Variants in AQR observed in about 807,000 individuals in gnomAD.
The protein encoded by AQR is RNA helicase aquarius.
A neutral mutation model predicts 180.5 loss-of-function variants in AQR; 61 were observed. The observed-to-expected ratio is 0.34, with a 90% CI of 0.28 to 0.42. The LOEUF (loss-of-function observed/expected upper bound fraction) is 0.42. Among genes scored for constraint, AQR ranks in the 10% least tolerant of loss-of-function variants. The pLI is 1.00. For missense variants in AQR, 1,281 were observed against 1,798.3 expected (o/e 0.71, Z 5.20); for synonymous variants, 551 against 588.8 (o/e 0.94, Z 0.93).
At chr15:34,913,021 A>G (rs1199665828) in intron 16 of AQR, among the ~76,000 whole-genome samples, 1 of 152,158 alleles carries the variant, frequency 6.6e-6, no homozygotes, top group Non-Finnish European at 1.5e-5. Context: ...CACCTCCTCC[A>G]TTTTTTACAG....
At chr15:34,951,397 G>GTC (rs1894229607) in intron 4 of AQR, among the ~76,000 whole-genome samples, 1 of 152,146 alleles carries the variant, frequency 6.6e-6, no homozygotes, top group Non-Finnish European at 1.5e-5. Flanking sequence ...CTGTCAGCTG[G>GTC]GTGCGGTGGC....
intron 27 of AQR, among the ~76,000 whole-genome samples, chr15:34,878,774 T>C (rs1892925395): frequency 6.6e-6 from 1 of 152,240 alleles, no homozygotes; most frequent in South Asian, 2.1e-4. Flanking sequence ...CTCATGCCTG[T>C]AATCCCAGCA....
chr15:34,900,632 G>T lies in AQR; in HGVS notation c.2233C>A (p.Pro745Thr). The T allele has an allele frequency of 6.2e-7, 1 of 1,613,806 alleles. No individual in the cohort carries two copies. Among genetic ancestry groups the T allele is most frequent in the Non-Finnish European group, 8.5e-7 (1 of 1,179,832 alleles). ...VTVEDPALQI[P>T]PFRITFPVRS... ...CAGTTCTGACTTTACCTGAAAGGGG[G>T]TATTTGTAGAGCAGGGTCTTCTACA... Residue 745 changes from proline (P) to threonine (T), a missense_variant, in exon 20 of 35, where the codon CCC (proline) becomes ACC (threonine). Pro to Thr is a conservative substitution (Grantham distance 38, BLOSUM62 -1). Around this residue, in one of 9 missense-constraint regions of AQR, gnomAD observed 112 missense variants for 128.6 expected, o/e 0.87. Coordinates refer to ENST00000156471, the MANE Select transcript of AQR (RefSeq NM_014691.3).
At chr15:34,924,699 G>A (rs377024831) in intron 13 of AQR, among the ~76,000 whole-genome samples, 3 of 152,180 alleles carry the variant, frequency 2.0e-5, no homozygotes, top group South Asian at 4.2e-4. Context: ...CCAAAGTGCT[G>A]GGGTTATAGG....
At chr15:34,877,314 G>A (rs574789416) in intron 27 of AQR, among the ~76,000 whole-genome samples, 14 of 152,232 alleles carry the variant, frequency 9.2e-5, no homozygotes, top group African/African-American at 3.4e-4. Context: ...GAGTTCTGTT[G>A]CTTTCTGTTT....
In AQR at chr15:34,920,341, T is replaced by C. The variant is rs757936909; in HGVS notation, c.1212A>G (p.Leu404=). Residue 404 remains leucine, a synonymous_variant, in exon 14 of 35, where the codon CTA becomes CTG. Transcript: ENST00000156471. ...GAACATTAATATTTACCAGCAATTC[T>C]AGAAGAAATTCTTTATCAAAAGTTG... The part of the protein sequence containing the change: ...EDTTFDKEFL[L]ELLVSRHERR... The C allele has an allele frequency of 2.5e-6, 4 of 1,607,758 alleles. No individual in the cohort carries two copies. The highest frequency in any genetic ancestry group is 3.4e-6 in the Non-Finnish European group (4 of 1,175,358).
chr15:34,862,971 G>A lies in AQR; in HGVS notation c.3925C>T (p.Leu1309Phe). 3 of 1,613,878 alleles carry A rather than the reference G, an allele frequency of 1.9e-6. No individual in the cohort carries two copies. Among genetic ancestry groups the A allele is most frequent in the Middle Eastern group, 1.7e-4 (1 of 6,058 alleles). ...GTCAGTTCAAAACAGTTTTGGAAGA[G>A]GGATACTCTGGCGAAGATATAAAGT... ...LGLYIFARVSLFQNCFELTPA... is the reference protein window; with the variant it reads ...LGLYIFARVSFFQNCFELTPA... The change falls in exon 33 of 35, where the codon CTC (leucine) becomes TTC (phenylalanine). Residue 1309 changes from leucine (L) to phenylalanine (F), a missense_variant. By Grantham distance (22) the Leu-to-Phe change is conservative. Coordinates refer to ENST00000156471, the MANE Select transcript of AQR (RefSeq NM_014691.3).
In AQR at chr15:34,857,860, G is replaced by A. The variant is rs184714014; in HGVS notation, c.4144-754C>T. On this transcript the variant is annotated intron_variant, in intron 34 of 34. Coordinates refer to ENST00000156471, the MANE Select transcript of AQR (RefSeq NM_014691.3). ...CAGCAAGGAACAAGGTTTCTGTTCC[G>A]TTCAACCAGAAAACTGGAGCAACTC... 3.5e-3 allele frequency among the ~76,000 whole-genome samples: 535 copies of A among 152,316 alleles called. 3 individuals are homozygous for A. The highest frequency in any genetic ancestry group is 0.014 in the Middle Eastern group (4 of 294).
chr15:34,966,570 A>G (rs1326863110), intron 1 of AQR, among the ~76,000 whole-genome samples: 1 of 152,190 alleles, frequency 6.6e-6, no homozygotes, highest in Non-Finnish European at 1.5e-5. Flanking sequence ...AAGTCTCTTA[A>G]AGTCTCCTTC....
rs746746909 is a variant in AQR, at chr15:34,910,151, G to A, written c.1647C>T (p.Ile549=). 10 of 1,614,010 alleles carry A rather than the reference G, an allele frequency of 6.2e-6. No individual in the cohort carries two copies. In the East Asian group the frequency reaches 8.9e-5, roughly 14 times the overall value. ...VTINLNVRDH[I]KDEWEGLRKH... The stretch of plus-strand genomic sequence containing the variant: ...CAAACTTACCTTCCCATTCATCTTT[G>A]ATGTGATCTCTGACATTGAGATTTA... The change falls in exon 17 of 35, where the codon ATC becomes ATT. Residue 549 remains isoleucine (I), a synonymous_variant. Coordinates refer to ENST00000156471, the MANE Select transcript of AQR (RefSeq NM_014691.3).
At position 34,853,059 on chromosome 15, in the gene AQR, T is replaced by C. The variant is rs532625114; in HGVS notation, c.*3733A>G. The C allele has an allele frequency of 6.6e-6, 1 of 152,300 alleles. No individual in the cohort carries two copies. The highest frequency in any genetic ancestry group is 6.5e-5 in the Admixed American group (1 of 15,302). 9.4% of individuals were successfully genotyped at this position (152,300 alleles called of 1,614,324 possible). A position where few individuals can be genotyped will look rare whatever the true frequency, so the allele number is the denominator to read the frequency against. ...ATTAAATCCTTGTAACTGAAGAGTA[T>C]CGGTGGATGAAGAAAAAATAGTCTC... On this transcript the variant is annotated 3_prime_UTR_variant, in exon 35 of 35. Transcript: ENST00000156471.
Position 34,854,728 on chromosome 15 carries a change from C to G in AQR, c.*2064G>C, listed in dbSNP as rs1215504755. The G allele has an allele frequency of 6.6e-6, 1 of 152,074 alleles. No homozygotes were observed. Among genetic ancestry groups the G allele is most frequent in the Admixed American group, 6.5e-5 (1 of 15,276 alleles). The allele number at this position is 152,074 out of a possible 1,614,324, so 9.4% of individuals were successfully genotyped here. ...ATTTGCTTTTTAGTGATAGAAAAAC[C>G]AAGCAGCAAAGAAAAAAGTATGGTC... On this transcript the variant is annotated 3_prime_UTR_variant, in exon 35 of 35. Coordinates refer to ENST00000156471, the MANE Select transcript of AQR (RefSeq NM_014691.3).
rs528475871 is a variant in AQR, at chr15:34,940,306, G to A, written c.641+593C>T. Among the ~76,000 whole-genome samples the A allele has an allele frequency of 7.9e-5, 12 of 152,272 alleles. No individual in the cohort carries two copies. In the East Asian group the frequency reaches 9.7e-4, roughly 12 times the overall value. The stretch of plus-strand genomic sequence containing the variant: ...AGCACTTTAGGAGGCCGAGGCAGGC[G>A]GATCACCTAAGGTCGGGAGTTTGAG... On this transcript the variant is annotated intron_variant, in intron 8 of 34. Coordinates refer to ENST00000156471, the MANE Select transcript of AQR (RefSeq NM_014691.3).
rs1292884973 is a variant in AQR, at chr15:34,948,002, C to G, written c.330+262G>C. On this transcript the variant is annotated intron_variant, in intron 5 of 34. Transcript: ENST00000156471. The stretch of plus-strand genomic sequence containing the variant: ...CTGATGTAAGTTGTTATAACATATA[C>G]CATTCTTTGTTTCAAACACAAAGCA... 14 of 323,876 alleles carry G rather than the reference C, an allele frequency of 4.3e-5. No individual in the cohort carries two copies. In the East Asian group the frequency reaches 9.5e-4, roughly 22 times the overall value. 20.1% of individuals were successfully genotyped at this position (323,876 alleles called of 1,614,324 possible). A position where few individuals can be genotyped will look rare whatever the true frequency, so the allele number is the denominator to read the frequency against.
chr15:34,900,591 T>C (rs780089537), intron 20 of AQR, 31 bp downstream of exon 20: 5 of 1,600,610 alleles, frequency 3.1e-6, no homozygotes, highest in South Asian at 2.2e-5. Context: ...TACAGAATGC[T>C]GGAGAGGAGC....
At chr15:34,888,125 C>T (rs1893089834) in intron 24 of AQR, among the ~76,000 whole-genome samples, 1 of 151,758 alleles carries the variant, frequency 6.6e-6, no homozygotes, top group South Asian at 2.1e-4. Flanking sequence ...TGGCAAAACC[C>T]CGTCTCTACT....
At chr15:34,963,949 A>C (rs1461117929) in intron 2 of AQR, among the ~76,000 whole-genome samples, 2 of 152,194 alleles carry the variant, frequency 1.3e-5, no homozygotes, top group Non-Finnish European at 2.9e-5. Context: ...GGCGTGAGAC[A>C]CCGTGCCCAG....
In AQR at chr15:34,906,559, C is replaced by A; in HGVS notation, c.1817G>T (p.Arg606Leu). Residue 606 changes from arginine (R) to leucine (L), a missense_variant, in exon 18 of 35, where the codon CGT (arginine) becomes CTT (leucine). This residue lies in a region of AQR where 200 missense variants were observed against 293.4 expected (regional missense o/e 0.68). Transcript: ENST00000156471. Reference sequence around the variant, plus strand: ...GGTCACCATACCATCTTCAATGACACGTCCTTTATCATCCAGCATGCCCTG... The same window carrying A: ...GGTCACCATACCATCTTCAATGACAAGTCCTTTATCATCCAGCATGCCCTG... ...EIQGMLDDKG[R>L]VIEDGPEPRP... 6.2e-7 allele frequency: 1 copy of A among 1,614,000 alleles called. No individual in the cohort carries two copies.
intron 4 of AQR, among the ~76,000 whole-genome samples, chr15:34,951,304 G>T (rs1036251751): frequency 6.6e-6 from 1 of 152,060 alleles, no homozygotes; most frequent in Non-Finnish European, 1.5e-5. Flanking sequence ...AGTTGGCCCA[G>T]GGAAAATGAT....
Sources: allele counts gnomAD v4.1 joint callset (sites outside exome capture counted in the v4.1 genomes callset), GRCh38; gene constraint gnomAD v4.1.1; regional missense constraint gnomAD v4.1.1; transcripts MANE v1.5; gene names NCBI Gene and HGNC (gene_info 2026-07-23, HGNC 2026-07-21).